THAP4: variants seen among roughly 807,000 people sequenced by gnomAD.
THAP4 encodes THAP domain containing 4, also known as peroxynitrite isomerase THAP4.
In THAP4, 18 loss-of-function variants were observed where a neutral mutation model predicts 48.1. The ratio of observed to expected loss-of-function variants is 0.37; its 90% CI spans 0.26 to 0.56. THAP4 has a LOEUF of 0.56. THAP4 is among the 20% of genes least tolerant of loss of function. THAP4 has a pLI of 0.78. For missense variants in THAP4, 656 were observed against 774.9 expected, an observed-to-expected ratio of 0.85 and a Z score of 1.82; for synonymous variants, 345 against 324.9, an observed-to-expected ratio of 1.06 and a Z score of -0.66.
chr2:241,621,042 C>A (rs1455198560), intron 2 of THAP4, among the ~76,000 whole-genome samples: 2 of 152,024 alleles, frequency 1.3e-5, no homozygotes, highest in Admixed American at 6.6e-5. Flanking sequence ...AATTACCACA[C>A]GGAGAAATTA....
At position 241,633,079 on chromosome 2, in the gene THAP4, A is replaced by G; in HGVS notation, c.1078T>C (p.Cys360Arg). The G allele has an allele frequency of 6.2e-7, 1 of 1,614,022 alleles. No homozygotes were observed. The highest frequency in any genetic ancestry group is 8.5e-7 in the Non-Finnish European group (1 of 1,180,024). The change falls in exon 2 of 6, where the codon TGC becomes CGC. Residue 360 changes from cysteine to arginine, a missense_variant. By Grantham distance (180) the Cys-to-Arg change is radical. Coordinates refer to ENST00000407315, the MANE Select transcript of THAP4 (RefSeq NM_015963.6). The surrounding 1 kb of genome is among the most constrained non-coding windows in gnomAD (Gnocchi z 7.5). ...TTCTCCACCTGCTCCCGCAGGCAGC[A>G]CACCTGGCTCTTGTTCTGCCGGGAG... ...FSSRQNKSQV[C>R]CLREQVEKKN...
intron 2 of THAP4, among the ~76,000 whole-genome samples, chr2:241,615,474 G>A (rs991002454): frequency 6.6e-6 from 1 of 152,240 alleles, no homozygotes; most frequent in Non-Finnish European, 1.5e-5. Context: ...CCTCAGAGCA[G>A]GGGATGTGGT....
chr2:241,597,795 T>A (rs906109041), intron 5 of THAP4, among the ~76,000 whole-genome samples: 1 of 152,178 alleles, frequency 6.6e-6, no homozygotes, highest in Admixed American at 6.5e-5. Flanking sequence ...AGTCGCTCGG[T>A]AGAGGTCCCC....
At chr2:241,590,379 T>C (rs71430354) in intron 5 of THAP4, among the ~76,000 whole-genome samples, 8 of 128,982 alleles carry the variant, frequency 6.2e-5, no homozygotes, top group Admixed American at 3.2e-4. Context: ...GCCCGGCTGA[T>C]GATGAGGGGC....
intron 5 of THAP4, among the ~76,000 whole-genome samples, chr2:241,590,915 C>T (rs866041143): frequency 3.3e-3 from 458 of 139,264 alleles, no homozygotes; most frequent in African/African-American, 0.012. Flanking sequence ...CAGAACTGCC[C>T]GGCTGACGAT....
In THAP4 at chr2:241,601,799, G is replaced by A; in HGVS notation, c.1614+97C>T. ...GAAGACAGGCCTGTGAGACACAGTG[G>A]CAAGACACGCACTACCTCACGGAAG... is the stretch of plus-strand genomic sequence containing the variant. On this transcript the variant is annotated intron_variant, in intron 5 of 5. Coordinates refer to ENST00000407315, the MANE Select transcript of THAP4 (RefSeq NM_015963.6). This position sits in a 1 kb window ranked among gnomAD's most constrained non-coding sequence, Gnocchi z 4.0. 6.4e-7 allele frequency: 1 copy of A among 1,559,986 alleles called. No homozygotes were observed. Among genetic ancestry groups the A allele is most frequent in the Non-Finnish European group, 8.7e-7 (1 of 1,149,944 alleles).
chr2:241,606,409 G>A lies in THAP4; in HGVS notation c.1305C>T (p.Asp435=). ...LSWMLGTWLS[D]PPGAGTYPTL... is the part of the protein sequence containing the mutation. ...TGGGGTAGGTCCCGGCTCCAGGTGG[G>A]TCCGACAGCCAGGTGCCCAGCATCC... Residue 435 remains aspartate, a synonymous_variant, in exon 3 of 6, where the codon GAC becomes GAT. Transcript: ENST00000407315. 6.2e-7 allele frequency: 1 copy of A among 1,606,192 alleles called. No homozygotes were observed. Among genetic ancestry groups the A allele is most frequent in the Non-Finnish European group, 8.5e-7 (1 of 1,176,440 alleles).
At chr2:241,614,146 C>G (rs1054255806) in intron 2 of THAP4, among the ~76,000 whole-genome samples, 1 of 151,108 alleles carries the variant, frequency 6.6e-6, no homozygotes, top group Non-Finnish European at 1.5e-5. Context: ...TGGAGAGACA[C>G]CCTGCCTTGA....
intron 3 of THAP4, among the ~76,000 whole-genome samples, chr2:241,603,623 G>GC (rs1281858509): frequency 1.3e-5 from 2 of 152,204 alleles, no homozygotes; most frequent in Admixed American, 1.3e-4. Context: ...GGGCCCGTTA[G>GC]CCCAGGCCTC....
rs1575032581 is a variant in THAP4, at chr2:241,617,612, A to T, written c.1241-11139T>A. Reference sequence around the variant, plus strand: ...AGAAAGTAAAAGACAATGACAGCCCAGATCACAGAATTTCAGAGCTGGAAG... The same window carrying T: ...AGAAAGTAAAAGACAATGACAGCCCTGATCACAGAATTTCAGAGCTGGAAG... On this transcript the variant is annotated intron_variant, in intron 2 of 5. Coordinates refer to ENST00000407315, the MANE Select transcript of THAP4 (RefSeq NM_015963.6). 7.2e-6 allele frequency: 5 copies of T among 692,716 alleles called. No individual in the cohort carries two copies. In the East Asian group the frequency reaches 1.5e-4, roughly 21 times the overall value. The allele number at this position is 692,716 out of a possible 1,614,324, so 42.9% of individuals were successfully genotyped here. A position where few individuals can be genotyped will look rare whatever the true frequency, so the allele number is the denominator to read the frequency against.
chr2:241,610,881 C>T lies in THAP4; in HGVS notation c.1241-4408G>A, dbSNP rs183433237. Reference sequence around the variant, plus strand: ...AGAGACACGGGGATGGGGCCAGAGACGGGGCCAGAGACAGAGACACAGAAA... The same window carrying T: ...AGAGACACGGGGATGGGGCCAGAGATGGGGCCAGAGACAGAGACACAGAAA... On this transcript the variant is annotated intron_variant, in intron 2 of 5. Transcript: ENST00000407315. This position sits in a 1 kb window ranked among gnomAD's most constrained non-coding sequence, Gnocchi z 4.2. Among the ~76,000 whole-genome samples, 438 of 151,840 alleles carry T rather than the reference C, an allele frequency of 2.9e-3. 1 individual carries two copies. The highest frequency in any genetic ancestry group is 8.4e-3 in the African/African-American group (349 of 41,398).
At chr2:241,594,505 G>A in intron 5 of THAP4, 1 of 247,266 alleles carries the variant, frequency 4.0e-6, no homozygotes, top group Non-Finnish European at 8.3e-6. Context: ...TGGGTATACT[G>A]CTTGAGTTCA....
chr2:241,605,548 G>A (rs527945645), intron 3 of THAP4, among the ~76,000 whole-genome samples: 2 of 152,264 alleles, frequency 1.3e-5, no homozygotes, highest in South Asian at 4.1e-4. Flanking sequence ...CCTGTGGGGA[G>A]CAGGTGGTGG....
At chr2:241,607,790 G>A (rs1276149685) in intron 2 of THAP4, among the ~76,000 whole-genome samples, 7 of 108,646 alleles carry the variant, frequency 6.4e-5, no homozygotes, top group Non-Finnish European at 1.3e-4. Context: ...GGACAGGATC[G>A]GACTGATGCC....
rs755946105 is a variant in THAP4 at position 241,610,807 on chromosome 2, CGA to C, written c.1241-4336_1241-4335del. On this transcript the variant is annotated intron_variant, in intron 2 of 5. Coordinates refer to ENST00000407315, the MANE Select transcript of THAP4 (RefSeq NM_015963.6). This position sits in a 1 kb window ranked among gnomAD's most constrained non-coding sequence, Gnocchi z 4.2. ...GAAAGACGGACAGAGCCAGGGACAG[CGA>C]GAGACGGGACGGGGACAGAGACACA... 2.6e-5 allele frequency among the ~76,000 whole-genome samples: 4 copies of C among 151,850 alleles called. No individual in the cohort carries two copies. The highest frequency in any genetic ancestry group is 4.4e-5 in the Non-Finnish European group (3 of 67,990).
rs1442995350 is a variant in THAP4 at position 241,616,611 on chromosome 2, G to T, written c.1241-10138C>A. Among the ~76,000 whole-genome samples, 4 of 152,158 alleles carry T rather than the reference G, an allele frequency of 2.6e-5. No individual in the cohort carries two copies. Among genetic ancestry groups the T allele is most frequent in the African/African-American group, 9.7e-5 (4 of 41,420 alleles). On this transcript the variant is annotated intron_variant, in intron 2 of 5. Transcript: ENST00000407315. The surrounding 1 kb of genome is among the most constrained non-coding windows in gnomAD (Gnocchi z 4.6). ...GGGGCACAGGGCCCACACCACACTT[G>T]GGGACAGGACAGGACGCAGCACTTA...
At position 241,633,133 on chromosome 2, in the gene THAP4, T is replaced by TGAGCTTGC; in HGVS notation, c.1016_1023dup (p.Ile342AlafsTer35). The TGAGCTTGC allele has an allele frequency of 6.2e-7, 1 of 1,612,206 alleles. No homozygotes were observed. The highest frequency in any genetic ancestry group is 8.5e-7 in the Non-Finnish European group (1 of 1,179,028). On this transcript the variant is annotated frameshift_variant, in exon 2 of 6. Transcript: ENST00000407315. LOFTEE classifies it high-confidence loss of function. The surrounding 1 kb of genome is among the most constrained non-coding windows in gnomAD (Gnocchi z 7.5). ...AAGCAGTAGGAGTGCAGTGAGTCGATGAGCTTGCAGGCCCCTGACGCCGAC... is the reference window on the plus strand; with the variant it reads ...AAGCAGTAGGAGTGCAGTGAGTCGATGAGCTTGCGAGCTTGCAGGCCCCTGACGCCGAC...
intron 5 of THAP4, among the ~76,000 whole-genome samples, chr2:241,598,662 C>G (rs1575021538): frequency 1.3e-5 from 2 of 152,090 alleles, no homozygotes; most frequent in South Asian, 4.2e-4. Flanking sequence ...CTATGAGAAT[C>G]TAATGCTGCC....
intron 5 of THAP4, chr2:241,592,369 C>G (rs1012056934): frequency 1.3e-5 from 2 of 152,356 alleles, no homozygotes; most frequent in Non-Finnish European, 2.9e-5. Context: ...TCAGGCCCTC[C>G]CAAAAAGAGT....
Sources: gnomAD v4.1 joint callset for allele counts (sites outside exome capture counted in the v4.1 genomes callset) on GRCh38, gnomAD v4.1.1 for gene constraint, Gnocchi (gnomAD v3.1) non-coding constraint, MANE v1.5 for transcripts, NCBI Gene and HGNC (gene_info 2026-07-23, HGNC 2026-07-21) for gene names.